STRIP2: variants seen among roughly 807,000 people sequenced by gnomAD.
The protein encoded by STRIP2 is striatin interacting protein 2.
Under a neutral mutation model 107.1 loss-of-function variants are expected in STRIP2, and 84 were observed. That is an observed-to-expected ratio of 0.78 (90% CI 0.66 to 0.94). The LOEUF (loss-of-function observed/expected upper bound fraction) is 0.94. STRIP2 is among the 40% of genes least tolerant of loss of function. The pLI, the probability that STRIP2 is intolerant of heterozygous loss-of-function variation, is 0.00. For synonymous variants in STRIP2, 394 were observed against 400.4 expected (o/e 0.98, Z 0.19); for missense variants, 888 against 1,034.2 (o/e 0.86, Z 1.94).
chr7:129,472,778 T>TTC (rs1381414005), intron 18 of STRIP2, among the ~76,000 whole-genome samples: 5 of 77,146 alleles, frequency 6.5e-5, no homozygotes, highest in South Asian at 4.2e-4. Context: ...TTCTTTTCCT[T>TTC]TTTTTTTTTT....
Position 129,485,887 on chromosome 7 carries a change from T to C in STRIP2, c.*58T>C. ...AGGTCAGCTCCAATAAACTGTGCTC[T>C]GCCTACCCTGTCCATACAGGCGCTG... On this transcript the variant is annotated 3_prime_UTR_variant, in exon 21 of 21. Coordinates refer to ENST00000249344, the MANE Select transcript of STRIP2 (RefSeq NM_020704.3). 1.3e-6 allele frequency: 2 copies of C among 1,593,662 alleles called. No homozygotes were observed. Among genetic ancestry groups the C allele is most frequent in the Non-Finnish European group, 8.6e-7 (1 of 1,169,358 alleles).
chr7:129,440,067 G>A lies in STRIP2; in HGVS notation c.175G>A (p.Asp59Asn). The change falls in exon 2 of 21, where the codon GAT becomes AAT. Residue 59 changes from aspartate to asparagine, a missense_variant. By Grantham distance (23) the Asp-to-Asn change is conservative. Coordinates refer to ENST00000249344, the MANE Select transcript of STRIP2 (RefSeq NM_020704.3). ...PTLEFEYGDADGHAAELSELY... is the reference protein window; with the variant it reads ...PTLEFEYGDANGHAAELSELY... ...TCTGGAGTTTGAGTATGGAGATGCA[G>A]ATGGGCATGCAGCCGAGTTGTCAGG... The A allele has an allele frequency of 6.2e-7, 1 of 1,614,172 alleles. No individual in the cohort carries two copies. The highest frequency in any genetic ancestry group is 1.3e-5 in the African/African-American group (1 of 75,060).
rs775446984 is a variant in STRIP2, at chr7:129,456,141, C to CTTT, written c.835-292_835-290dup. Among the ~76,000 whole-genome samples the CTTT allele has an allele frequency of 1.5e-3, 119 of 80,938 alleles. 12 individuals carry two copies. The highest frequency in any genetic ancestry group is 1.5e-3 in the African/African-American group (40 of 26,778). 53.1% of individuals were successfully genotyped at this position (80,938 alleles called of 152,430 possible). ...TGTTCCTTAAAAAAGTCGATAGTTT[C>CTTT]TTTTTTTTCTTTTTTTTTTTTTTTG... On this transcript the variant is annotated intron_variant, in intron 8 of 20. Coordinates refer to ENST00000249344, the MANE Select transcript of STRIP2 (RefSeq NM_020704.3).
chr7:129,461,344 T>C lies in STRIP2; in HGVS notation c.1476+972T>C, dbSNP rs1446881959. On this transcript the variant is annotated intron_variant, in intron 13 of 20. Transcript: ENST00000249344. This position sits in a 1 kb window ranked among gnomAD's most constrained non-coding sequence, Gnocchi z 4.0. ...TTTGAGAAATAAATTCGGGAGTTGT[T>C]TGTAACACTTATAGGCAGTGTTAAA... is the stretch of plus-strand genomic sequence containing the variant. Among the ~76,000 whole-genome samples, 1 of 152,174 alleles carries C rather than the reference T, an allele frequency of 6.6e-6. No individual in the cohort carries two copies. The highest frequency in any genetic ancestry group is 2.4e-5 in the African/African-American group (1 of 41,430).
chr7:129,472,656 T>C (rs184043050), intron 18 of STRIP2, among the ~76,000 whole-genome samples: 119 of 152,242 alleles, frequency 7.8e-4, no homozygotes, highest in Middle Eastern at 6.8e-3. Flanking sequence ...GTGACTTCTG[T>C]GCTCAGAAAA....
rs761556183 is a variant in STRIP2, at chr7:129,483,083, C to A, written c.2254+37C>A. ...CAAAGCTCTTGACTTCCTGGAGTTT[C>A]CTGGGGTTTAGACAAAACTAAATAA... On this transcript the variant is annotated intron_variant, in intron 20 of 20. Transcript: ENST00000249344. The surrounding 1 kb of genome is among the most constrained non-coding windows in gnomAD (Gnocchi z 5.1). The A allele has an allele frequency of 6.2e-7, 1 of 1,607,354 alleles. No individual in the cohort carries two copies. The highest frequency in any genetic ancestry group is 2.2e-5 in the East Asian group (1 of 44,778).
chr7:129,468,998 AC>A (rs1489329360), intron 17 of STRIP2, among the ~76,000 whole-genome samples: 3 of 152,228 alleles, frequency 2.0e-5, no homozygotes, highest in Non-Finnish European at 4.4e-5. Flanking sequence ...ATAGTGAAAT[AC>A]GTCTATATGA....
chr7:129,451,775 AG>A, intron 4 of STRIP2, 28 bp downstream of exon 4: 7 of 867,126 alleles, frequency 8.1e-6, no homozygotes, highest in South Asian at 2.3e-5. Flanking sequence ...CTAGCTTTAG[AG>A]GGGTGGAGGC....
At chr7:129,456,259 GT>G (rs1798349311) in intron 8 of STRIP2, among the ~76,000 whole-genome samples, 179 bp from the exon 9 acceptor site, 1 of 147,960 alleles carries the variant, frequency 6.8e-6, no homozygotes, top group Non-Finnish European at 1.5e-5. Context: ...GAGCTCCTCA[GT>G]TGCCGTGGGG....
At chr7:129,453,153 G>A in intron 4 of STRIP2, 74 bp from the exon 5 acceptor site, 2 of 1,590,702 alleles carry the variant, frequency 1.3e-6, no homozygotes, top group Non-Finnish European at 8.6e-7. Context: ...AAAATCTTAA[G>A]ATCATGGGGC....
chr7:129,456,633 C>T lies in STRIP2; in HGVS notation c.1029C>T (p.Gly343=), dbSNP rs767505062. ...CCTCCAAGCTGCGAGGCCGCCGTGG[C>T]TCTCGAAGGGTATGGACTGAAGCAG... ...PPPSKLRGRR[G]SRRQLLTKQD... is the part of the protein sequence containing the mutation. The change falls in exon 9 of 21, where the codon GGC becomes GGT. Residue 343 remains glycine (G), a synonymous_variant. Coordinates refer to ENST00000249344, the MANE Select transcript of STRIP2 (RefSeq NM_020704.3). 3.7e-6 allele frequency: 6 copies of T among 1,613,870 alleles called. No homozygotes were observed. Among genetic ancestry groups the T allele is most frequent in the South Asian group, 1.1e-5 (1 of 91,060 alleles).
At chr7:129,467,610 T>C (rs565975814) in intron 17 of STRIP2, among the ~76,000 whole-genome samples, 160 bp downstream of exon 17, 1 of 152,174 alleles carries the variant, frequency 6.6e-6, no homozygotes, top group East Asian at 1.9e-4. Context: ...GCTGATGGAG[T>C]GTATAGTTTT....
chr7:129,464,507 G>A lies in STRIP2; in HGVS notation c.1650-105G>A. On this transcript the variant is annotated intron_variant, in intron 15 of 20. Transcript: ENST00000249344. ...TGGCACAGAAGTTCAAGTTTCCCAAGTTCTGGCTCTCTTGTGTATATTGTA... is the reference window on the plus strand; with the variant it reads ...TGGCACAGAAGTTCAAGTTTCCCAAATTCTGGCTCTCTTGTGTATATTGTA... The A allele has an allele frequency of 2.3e-6, 3 of 1,300,232 alleles. No homozygotes were observed. The South Asian group carries it at 4.2e-5, about 18-fold the overall frequency. The allele number at this position is 1,300,232 out of a possible 1,614,324, so 80.5% of individuals were successfully genotyped here. A position where few individuals can be genotyped will look rare whatever the true frequency, so the allele number is the denominator to read the frequency against.
chr7:129,471,312 A>G (rs979598946), intron 18 of STRIP2, among the ~76,000 whole-genome samples: 1 of 152,084 alleles, frequency 6.6e-6, no homozygotes, highest in African/African-American at 2.4e-5. Flanking sequence ...TGAGGTATCT[A>G]CCTCATCATG....
chr7:129,458,787 T>C lies in STRIP2; in HGVS notation c.1340+10T>C, dbSNP rs1798441950. On this transcript the variant is annotated intron_variant, in intron 11 of 20. Transcript: ENST00000249344. This position sits in a 1 kb window ranked among gnomAD's most constrained non-coding sequence, Gnocchi z 4.6. Reference sequence around the variant, plus strand: ...GATTCACCCTGGGGCAGTAAGTGACTGAATGGCTGGAACTGGCTACAGAGT... The same window carrying C: ...GATTCACCCTGGGGCAGTAAGTGACCGAATGGCTGGAACTGGCTACAGAGT... 6.2e-7 allele frequency: 1 copy of C among 1,613,956 alleles called. No homozygotes were observed. The highest frequency in any genetic ancestry group is 2.2e-5 in the East Asian group (1 of 44,886).
chr7:129,460,710 C>A (rs748607440), intron 13 of STRIP2, among the ~76,000 whole-genome samples: 12 of 152,098 alleles, frequency 7.9e-5, no homozygotes, highest in Non-Finnish European at 1.8e-4. Context: ...GGACAGGGAT[C>A]CAGCCATAGG....
In STRIP2 at chr7:129,444,076, TGAA is replaced by T. The variant is rs748051818; in HGVS notation, c.258_260del (p.Glu86del). The stretch of plus-strand genomic sequence containing the variant: ...AATTCACCAATAACAGGAGGTGCTT[TGAA>T]GAAGATTTCAAGACTCAAGGTAATT... On this transcript the variant is annotated inframe_deletion, in exon 3 of 21. Transcript: ENST00000249344. 1.4e-5 allele frequency: 22 copies of T among 1,613,466 alleles called. No individual in the cohort carries two copies. The highest frequency in any genetic ancestry group is 1.3e-4 in the East Asian group (6 of 44,898).
rs1798439925 is a variant in STRIP2, at chr7:129,458,727, G to A, written c.1290G>A (p.Glu430=). Residue 430 remains glutamate, a synonymous_variant, in exon 11 of 21, where the codon GAG becomes GAA. Transcript: ENST00000249344. This position sits in a 1 kb window ranked among gnomAD's most constrained non-coding sequence, Gnocchi z 4.6. ...WAPKVRQKDI[E]HFLEMSRNKF... is the part of the protein sequence containing the mutation. ...ATCCTCTCAGACAGAAGGACATTGA[G>A]CACTTCTTGGAGATGAGCAGGAACA... 1.2e-6 allele frequency: 2 copies of A among 1,614,082 alleles called. No homozygotes were observed. The highest frequency in any genetic ancestry group is 1.3e-5 in the African/African-American group (1 of 74,912).
At chr7:129,467,002 T>C (rs773432654) in intron 16 of STRIP2, among the ~76,000 whole-genome samples, 2 of 152,224 alleles carry the variant, frequency 1.3e-5, no homozygotes, top group African/African-American at 4.8e-5. Context: ...TGAAACATTA[T>C]GAGCCAGAGG....
Sources: gnomAD v4.1 joint callset for allele counts (sites outside exome capture counted in the v4.1 genomes callset) on GRCh38, gnomAD v4.1.1 for gene constraint, Gnocchi (gnomAD v3.1) non-coding constraint, MANE v1.5 for transcripts, NCBI Gene and HGNC (gene_info 2026-07-23, HGNC 2026-07-21) for gene names.